CBFA2T2: variants seen among roughly 807,000 people sequenced by gnomAD.
CBFA2T2 encodes the protein CBFA2/RUNX1 partner transcriptional co-repressor 2.
Under a neutral mutation model 62.2 loss-of-function variants are expected in CBFA2T2, and 11 were observed. The ratio of observed to expected loss-of-function variants is 0.18; its 90% confidence interval spans 0.11 to 0.29. The LOEUF is 0.29. Among genes scored for constraint, CBFA2T2 ranks in the 10% least tolerant of loss-of-function variants. The pLI, the probability that CBFA2T2 is intolerant of heterozygous loss-of-function variation, is 1.00. For missense variants in CBFA2T2, 592 were observed against 774.1 expected (o/e 0.76, Z 2.79); for synonymous variants, 295 against 287.5 (o/e 1.03, Z -0.27).
At chr20:33,585,185 G>A (rs1472641185) in intron 1 of CBFA2T2, among the ~76,000 whole-genome samples, 1 of 152,142 alleles carries the variant, frequency 6.6e-6, no homozygotes, top group Non-Finnish European at 1.5e-5. Flanking sequence ...TAACATGTTA[G>A]GAATGCGTGG....
chr20:33,557,923 C>T lies in CBFA2T2; in HGVS notation c.35-49033C>T, dbSNP rs545840331. ...CGATCTCGGCTCACCGCAACCTCCG[C>T]CTACTGGGTTCAAGTGATTCTTCTG... On this transcript the variant is annotated intron_variant, in intron 1 of 10. Coordinates refer to ENST00000342704, the MANE Select transcript of CBFA2T2 (RefSeq NM_001032999.3). Among the ~76,000 whole-genome samples, 6 of 152,140 alleles carry T rather than the reference C, an allele frequency of 3.9e-5. No individual in the cohort carries two copies. In the East Asian group the frequency reaches 1.2e-3, roughly 29 times the overall value.
At position 33,490,457 on chromosome 20, in the gene CBFA2T2, C is replaced by T. The variant is rs573929798; in HGVS notation, c.34+156C>T. Among the ~76,000 whole-genome samples the T allele has an allele frequency of 1.3e-4, 20 of 152,266 alleles. No individual in the cohort carries two copies. The East Asian group carries it at 3.9e-3, about 30-fold the overall frequency. Reference sequence around the variant, plus strand: ...TCCAAGGTCACGCAGCGGGGCGGGCCTTCCCGGGCTCCTGAGGCCACCCCG... The same window carrying T: ...TCCAAGGTCACGCAGCGGGGCGGGCTTTCCCGGGCTCCTGAGGCCACCCCG... On this transcript the variant is annotated intron_variant, in intron 1 of 10. Transcript: ENST00000342704.
intron 8 of CBFA2T2, among the ~76,000 whole-genome samples, chr20:33,634,957 C>T (rs1010239058): frequency 6.6e-6 from 1 of 152,162 alleles, no homozygotes; most frequent in Admixed American, 6.5e-5. Flanking sequence ...TTGTTAATAT[C>T]TCTGGTGAGA....
At position 33,554,255 on chromosome 20, in the gene CBFA2T2, CTTTTTTTT is replaced by C. The variant is rs760696196; in HGVS notation, c.35-52691_35-52684del. 1.1e-4 allele frequency among the ~76,000 whole-genome samples: 14 copies of C among 131,986 alleles called. No homozygotes were observed. The East Asian group carries it at 2.8e-3, about 27-fold the overall frequency. 86.6% of individuals were successfully genotyped at this position (131,986 alleles called of 152,430 possible). A position where few individuals can be genotyped will look rare whatever the true frequency, so the allele number is the denominator to read the frequency against. On this transcript the variant is annotated intron_variant, in intron 1 of 10. Transcript: ENST00000342704. ...CAGTGTTTATTTTTCTTACTTTTTT[CTTTTTTTT>C]TTTTTTTTTCAGACAGTGTTGCTCT...
chr20:33,642,314 T>A (rs1187744694), intron 10 of CBFA2T2, among the ~76,000 whole-genome samples: 5 of 152,124 alleles, frequency 3.3e-5, no homozygotes. Flanking sequence ...TTAGAATTGT[T>A]TTTGAGGCTG....
intron 1 of CBFA2T2, among the ~76,000 whole-genome samples, chr20:33,563,936 C>G (rs2013185061): frequency 6.6e-6 from 1 of 152,056 alleles, no homozygotes; most frequent in South Asian, 2.1e-4. Context: ...ATTTGCCAAA[C>G]TATACCAGAA....
At position 33,490,105 on chromosome 20, in the gene CBFA2T2, G is replaced by T. The variant is rs567680378; in HGVS notation, c.-163G>T. The T allele has an allele frequency of 2.5e-4, 170 of 677,902 alleles. 3 individuals carry two copies. In the South Asian group the frequency reaches 0.01, roughly 42 times the overall value. 42.0% of individuals were successfully genotyped at this position (677,902 alleles called of 1,614,324 possible). A position where few individuals can be genotyped will look rare whatever the true frequency, so the allele number is the denominator to read the frequency against. On this transcript the variant is annotated 5_prime_UTR_variant, in exon 1 of 11. Coordinates refer to ENST00000342704, the MANE Select transcript of CBFA2T2 (RefSeq NM_001032999.3). ...GCGGCCTAACGGCGGCGGCGGCGGC[G>T]GCGACGGCGACAGCAGCGGTGGTGG...
intron 9 of CBFA2T2, among the ~76,000 whole-genome samples, chr20:33,637,970 T>C (rs2016689546): frequency 8.0e-6 from 1 of 125,352 alleles, no homozygotes; most frequent in Non-Finnish European, 1.7e-5. Flanking sequence ...CCCGGCCTTT[T>C]TTTTTTTTTT....
intron 1 of CBFA2T2, among the ~76,000 whole-genome samples, chr20:33,544,975 T>TAGAACAGAACAGAACAGAAC (rs1568810874): frequency 7.4e-5 from 10 of 135,522 alleles, no homozygotes; most frequent in African/African-American, 3.5e-4. Flanking sequence ...TAGAATAGAA[T>TAGAACAGAACAGAACAGAAC]AGAATAGAAT....
chr20:33,628,954 G>A (rs373833851), intron 7 of CBFA2T2, among the ~76,000 whole-genome samples: 3 of 152,190 alleles, frequency 2.0e-5, no homozygotes, highest in South Asian at 2.1e-4. Context: ...ATAAAGTCAT[G>A]TAGTATAATG....
intron 1 of CBFA2T2, among the ~76,000 whole-genome samples, chr20:33,536,495 G>C (rs1213548469): frequency 6.6e-6 from 1 of 150,846 alleles, no homozygotes; most frequent in African/African-American, 2.4e-5. Flanking sequence ...CCTCCCTCCC[G>C]GACGGGGTGG....
intron 1 of CBFA2T2, among the ~76,000 whole-genome samples, chr20:33,527,349 G>A (rs1442545229): frequency 6.7e-6 from 1 of 148,416 alleles, no homozygotes; most frequent in Non-Finnish European, 1.5e-5. Context: ...TTACAGGGCT[G>A]TGCCACCAGG....
intron 1 of CBFA2T2, among the ~76,000 whole-genome samples, chr20:33,540,628 T>G (rs2012387377): frequency 6.6e-6 from 1 of 152,228 alleles, no homozygotes; most frequent in Non-Finnish European, 1.5e-5. Flanking sequence ...GGTAACATGC[T>G]GACTAGAGAA....
chr20:33,620,982 TG>T (rs1217725541), intron 4 of CBFA2T2, among the ~76,000 whole-genome samples: 2 of 152,172 alleles, frequency 1.3e-5, no homozygotes, highest in Non-Finnish European at 2.9e-5. Flanking sequence ...AAGAAAAACT[TG>T]GGAGGGAGCA....
chr20:33,609,960 A>C (rs966332285), intron 2 of CBFA2T2, among the ~76,000 whole-genome samples: 1 of 152,166 alleles, frequency 6.6e-6, no homozygotes, highest in East Asian at 1.9e-4. Flanking sequence ...GGTACTAGAT[A>C]ATTTAGATTT....
intron 1 of CBFA2T2, among the ~76,000 whole-genome samples, chr20:33,535,427 G>T (rs932324730): frequency 8.7e-5 from 13 of 149,388 alleles, no homozygotes; most frequent in African/African-American, 3.2e-4. Context: ...AGGTCCCCAT[G>T]GTCCCCACTC....
intron 1 of CBFA2T2, among the ~76,000 whole-genome samples, chr20:33,493,328 G>A (rs1212159174): frequency 3.3e-5 from 5 of 151,694 alleles, no homozygotes; most frequent in Admixed American, 6.6e-5. Context: ...TGCCCGCCTC[G>A]GCTTCCCAAA....
At chr20:33,588,676 G>C (rs1181808441) in intron 1 of CBFA2T2, among the ~76,000 whole-genome samples, 1 of 152,170 alleles carries the variant, frequency 6.6e-6, no homozygotes, top group African/African-American at 2.4e-5. Context: ...GCTGGGCATG[G>C]TGGCTCACGC....
At chr20:33,522,896 C>T (rs2146863116) in intron 1 of CBFA2T2, among the ~76,000 whole-genome samples, 1 of 152,256 alleles carries the variant, frequency 6.6e-6, no homozygotes, top group South Asian at 2.1e-4. Context: ...TATATGAGAG[C>T]AGCTTTTGAG....
Sources: allele counts gnomAD v4.1 joint callset (sites outside exome capture counted in the v4.1 genomes callset), GRCh38; gene constraint gnomAD v4.1.1; transcripts MANE v1.5; gene names NCBI Gene and HGNC (gene_info 2026-07-23, HGNC 2026-07-21).